CDH13: variants seen among roughly 807,000 people sequenced by gnomAD.
The protein encoded by CDH13 is cadherin-13.
CDH13 carries 24 observed loss-of-function variants against 63.8 expected under a neutral mutation model. That is an observed-to-expected ratio of 0.38 (90% CI 0.27 to 0.53). The LOEUF (loss-of-function observed/expected upper bound fraction) is 0.53, where lower values mean the gene tolerates loss of function less well. CDH13 is among the 20% of genes least tolerant of loss of function. The probability of loss-of-function intolerance (pLI) is 0.85; values close to 1 mark genes in which losing one functional copy is unlikely to be tolerated. For missense variants in CDH13, 1,049 were observed against 903.1 expected (o/e 1.16, Z -2.07); for synonymous variants, 503 against 355.3 (o/e 1.42, Z -4.67).
At position 82,789,289 on chromosome 16, in the gene CDH13, C is replaced by G. The variant is rs577909246; in HGVS notation, c.46-69073C>G. On this transcript the variant is annotated intron_variant, in intron 1 of 13. Transcript: ENST00000567109. ...TAATTACACAAAGAACTAATTCAGTCTGATTCCTTAAGCTCGGAGTTAAAA... is the reference window on the plus strand; with the variant it reads ...TAATTACACAAAGAACTAATTCAGTGTGATTCCTTAAGCTCGGAGTTAAAA... Among the ~76,000 whole-genome samples, 4 of 152,278 alleles carry G rather than the reference C, an allele frequency of 2.6e-5. No homozygotes were observed. The South Asian group carries it at 6.2e-4, about 24-fold the overall frequency.
At chr16:82,711,591 C>T (rs1026478792) in intron 1 of CDH13, among the ~76,000 whole-genome samples, 2 of 152,050 alleles carry the variant, frequency 1.3e-5, no homozygotes, top group African/African-American at 2.4e-5. Flanking sequence ...TCTTATTGCA[C>T]AGACAAAGAC....
At chr16:82,823,429 A>AT (rs1484044544) in intron 1 of CDH13, 1 of 152,240 alleles carries the variant, frequency 6.6e-6, no homozygotes, top group Non-Finnish European at 1.5e-5. Context: ...TTAAAAAAAA[A>AT]GTTGTTTCAT....
At chr16:82,632,932 T>G (rs1296344624) in intron 1 of CDH13, among the ~76,000 whole-genome samples, 3 of 152,066 alleles carry the variant, frequency 2.0e-5, no homozygotes, top group Non-Finnish European at 4.4e-5. Flanking sequence ...GAAGGCGACC[T>G]AGATCCCATG....
intron 6 of CDH13, among the ~76,000 whole-genome samples, chr16:83,447,318 G>T (rs773963317): frequency 6.6e-6 from 1 of 151,720 alleles, no homozygotes; most frequent in Non-Finnish European, 1.5e-5. Context: ...AGGAGGCCAA[G>T]GCAGGAGATT....
chr16:82,734,034 G>GT (rs1425745513), intron 1 of CDH13, among the ~76,000 whole-genome samples: 1 of 3,672 alleles, frequency 2.7e-4, no homozygotes, highest in East Asian at 0.17. Flanking sequence ...AAAATAAGGT[G>GT]GGAAGAGAAC....
At chr16:83,465,703 A>C (rs551141758) in intron 6 of CDH13, among the ~76,000 whole-genome samples, 2 of 152,206 alleles carry the variant, frequency 1.3e-5, no homozygotes, top group Non-Finnish European at 2.9e-5. Context: ...TGGTCTGTGC[A>C]TGTCCTTGTG....
At chr16:83,370,465 T>C (rs1475749376) in intron 6 of CDH13, among the ~76,000 whole-genome samples, 2 of 152,166 alleles carry the variant, frequency 1.3e-5, no homozygotes, top group Non-Finnish European at 2.9e-5. Flanking sequence ...TTTATTGATT[T>C]ATTTTAACTT....
intron 2 of CDH13, among the ~76,000 whole-genome samples, chr16:83,014,561 C>T (rs978972589): frequency 1.3e-5 from 2 of 150,206 alleles, no homozygotes; most frequent in Non-Finnish European, 3.0e-5. Flanking sequence ...TGGTGAAACC[C>T]TGTCTCTACT....
chr16:82,977,298 A>G (rs573809309), intron 2 of CDH13, among the ~76,000 whole-genome samples: 7 of 152,254 alleles, frequency 4.6e-5, no homozygotes, highest in South Asian at 4.1e-4. Context: ...AGGCACAGTG[A>G]GGGCCAGGGT....
intron 2 of CDH13, among the ~76,000 whole-genome samples, chr16:82,879,392 C>A (rs2040615442): frequency 6.6e-6 from 1 of 150,534 alleles, no homozygotes. Flanking sequence ...TCAAACCTCA[C>A]TTTGAGCCTT....
chr16:83,464,899 T>A (rs1211012908), intron 6 of CDH13, among the ~76,000 whole-genome samples: 1 of 152,190 alleles, frequency 6.6e-6, no homozygotes, highest in Non-Finnish European at 1.5e-5. Flanking sequence ...TGCCTCGGCC[T>A]CCCAAAGTAC....
chr16:83,200,148 G>A (rs2038983842), intron 4 of CDH13, among the ~76,000 whole-genome samples: 1 of 152,138 alleles, frequency 6.6e-6, no homozygotes, highest in Non-Finnish European at 1.5e-5. Context: ...AGGGACCTCA[G>A]AGTCTATGTG....
chr16:83,552,767 G>T (rs114595380), intron 7 of CDH13, among the ~76,000 whole-genome samples: 168 of 152,264 alleles, frequency 1.1e-3, no homozygotes, highest in African/African-American at 3.9e-3. Context: ...AACATATCAT[G>T]CCTGTGTTCA....
At chr16:83,542,289 G>A (rs1426421782) in intron 7 of CDH13, among the ~76,000 whole-genome samples, 1 of 152,082 alleles carries the variant, frequency 6.6e-6, no homozygotes, top group African/African-American at 2.4e-5. Context: ...TTTGTTTTAA[G>A]GCTTCCCAGA....
At chr16:82,673,573 A>G (rs1011741436) in intron 1 of CDH13, among the ~76,000 whole-genome samples, 3 of 152,326 alleles carry the variant, frequency 2.0e-5, no homozygotes, top group Middle Eastern at 3.4e-3. Context: ...AAATAATTCT[A>G]CGAGCCATGA....
chr16:82,812,171 C>T (rs1265083703), intron 1 of CDH13, among the ~76,000 whole-genome samples: 1 of 152,156 alleles, frequency 6.6e-6, no homozygotes, highest in Non-Finnish European at 1.5e-5. Context: ...CCTTTAGAAA[C>T]TGGCAGATGG....
chr16:82,998,363 T>C (rs937564598), intron 2 of CDH13, among the ~76,000 whole-genome samples: 1 of 152,240 alleles, frequency 6.6e-6, no homozygotes, highest in African/African-American at 2.4e-5. Flanking sequence ...TTTCCAACTT[T>C]CATAAATAAG....
At chr16:82,967,594 C>T (rs1908039913) in intron 2 of CDH13, among the ~76,000 whole-genome samples, 1 of 152,178 alleles carries the variant, frequency 6.6e-6, no homozygotes, top group African/African-American at 2.4e-5. Flanking sequence ...CTTCTGAAGT[C>T]CTTGAACTCA....
At chr16:83,720,244 G>A (rs910352555) in intron 10 of CDH13, among the ~76,000 whole-genome samples, 4 of 151,822 alleles carry the variant, frequency 2.6e-5, no homozygotes, top group African/African-American at 9.7e-5. Flanking sequence ...GCACATACAT[G>A]TCCACACATT....
Sources: gnomAD v4.1 joint callset for allele counts (sites outside exome capture counted in the v4.1 genomes callset) on GRCh38, gnomAD v4.1.1 for gene constraint, MANE v1.5 for transcripts, NCBI Gene and HGNC (gene_info 2026-07-23, HGNC 2026-07-21) for gene names.